Variants in TENM2 observed in about 807,000 individuals in gnomAD.
The protein encoded by TENM2 is teneurin-2.
A neutral mutation model predicts 245.2 loss-of-function variants in TENM2; 52 were observed. The ratio of observed to expected loss-of-function variants is 0.21; its 90% CI spans 0.17 to 0.27. The LOEUF is 0.27. Ranked by LOEUF, TENM2 falls within the 10% of genes least tolerant of loss-of-function variation. The pLI is 1.00. For synonymous variants in TENM2, 1,363 were observed against 1,438.9 expected (o/e 0.95, Z 1.19); for missense variants, 3,046 against 3,666.8 (o/e 0.83, Z 4.37).
intron 2 of TENM2, among the ~76,000 whole-genome samples, chr5:167,566,227 CTG>C (rs1006457523): frequency 2.4e-4 from 36 of 151,298 alleles, no homozygotes; most frequent in African/African-American, 8.0e-4. Flanking sequence ...GCTAAGAAAA[CTG>C]TGAGTGGAAG....
chr5:167,534,213 A>AATACTC (rs1189222908), intron 2 of TENM2, among the ~76,000 whole-genome samples: 4 of 152,208 alleles, frequency 2.6e-5, no homozygotes, highest in African/African-American at 9.6e-5. Context: ...AGAGGCTAAG[A>AATACTC]ATACTCATAA....
intron 2 of TENM2, among the ~76,000 whole-genome samples, chr5:167,633,765 A>G (rs1287280244): frequency 6.6e-6 from 1 of 152,054 alleles, no homozygotes; most frequent in Admixed American, 6.6e-5. Flanking sequence ...ACCCTCCTAT[A>G]TAGGTGCAAT....
At position 167,898,367 on chromosome 5, in the gene TENM2, C is replaced by T. The variant is rs550455281; in HGVS notation, c.712+22172C>T. Among the ~76,000 whole-genome samples, 20 of 152,184 alleles carry T rather than the reference C, an allele frequency of 1.3e-4. 1 individual carries two copies. The South Asian group carries it at 2.9e-3, about 22-fold the overall frequency. On this transcript the variant is annotated intron_variant, in intron 3 of 28. Transcript: ENST00000518659. ...TTCCAATGAGTCTAATATATGCTAA[C>T]GTCTGAGAAGCACTGATCTAGTAGC... is the stretch of plus-strand genomic sequence containing the variant.
chr5:168,062,572 G>A (rs537425837), intron 7 of TENM2, among the ~76,000 whole-genome samples: 20 of 152,190 alleles, frequency 1.3e-4, no homozygotes, highest in Admixed American at 3.9e-4. Flanking sequence ...TTACAAAAAC[G>A]TATGTATCAG....
intron 2 of TENM2, among the ~76,000 whole-genome samples, chr5:167,595,025 G>C (rs898019313): frequency 2.0e-5 from 3 of 152,156 alleles, no homozygotes; most frequent in Non-Finnish European, 4.4e-5. Flanking sequence ...AAACTGCCAG[G>C]ACTGATCAGT....
chr5:167,313,721 T>G (rs1756182933), intron 1 of TENM2, among the ~76,000 whole-genome samples: 2 of 152,206 alleles, frequency 1.3e-5, no homozygotes, highest in African/African-American at 4.8e-5. Context: ...CTCCCATCAT[T>G]CACTCTATCT....
rs1424809041 is a variant in TENM2, at chr5:168,062,045, T to C, written c.1310-15T>C. The C allele has an allele frequency of 4.3e-6, 2 of 466,088 alleles. No individual in the cohort carries two copies. The highest frequency in any genetic ancestry group is 1.7e-4 in the Admixed American group (2 of 11,776). The allele number at this position is 466,088 out of a possible 1,614,324, so 28.9% of individuals were successfully genotyped here. On this transcript the variant is annotated splice_polypyrimidine_tract_variant and intron_variant, in intron 6 of 28. Coordinates refer to ENST00000518659, the Ensembl canonical transcript of TENM2. The stretch of plus-strand genomic sequence containing the variant: ...CACGTCATTGACTGCTGTTTATTCC[T>C]TTTTTTTTTTTCAGTGCCCTGGTCG...
At chr5:167,297,817 T>C (rs1452361907) in intron 1 of TENM2, among the ~76,000 whole-genome samples, 3 of 151,864 alleles carry the variant, frequency 2.0e-5, no homozygotes, top group Admixed American at 6.6e-5. Flanking sequence ...TGTTCTCTGG[T>C]GGGCTGGAGT....
At chr5:167,783,176 T>TG (rs1554117278) in intron 2 of TENM2, among the ~76,000 whole-genome samples, 7 of 151,332 alleles carry the variant, frequency 4.6e-5, no homozygotes, top group East Asian at 1.9e-4. Context: ...GAAACAGGTT[T>TG]TTTTTTTTTT....
chr5:167,751,654 C>T (rs1761965831), intron 2 of TENM2, among the ~76,000 whole-genome samples: 1 of 151,986 alleles, frequency 6.6e-6, no homozygotes, highest in South Asian at 2.1e-4. Context: ...GGCTTGTTTG[C>T]TGTTATTTAG....
At chr5:167,963,169 G>A (rs1178182588) in intron 4 of TENM2, among the ~76,000 whole-genome samples, 1 of 152,082 alleles carries the variant, frequency 6.6e-6, no homozygotes, top group Non-Finnish European at 1.5e-5. Flanking sequence ...TAGCTGAAGG[G>A]CTGCTTCAGC....
chr5:167,379,729 A>C lies in TENM2; in HGVS notation c.502+4256A>C, dbSNP rs530753293. 2.6e-5 allele frequency among the ~76,000 whole-genome samples: 4 copies of C among 152,194 alleles called. No homozygotes were observed. In the South Asian group the frequency reaches 8.3e-4, roughly 32 times the overall value. On this transcript the variant is annotated intron_variant, in intron 2 of 28. Coordinates refer to ENST00000518659, the Ensembl canonical transcript of TENM2. ...CTCCAGACCTAGCCAAAGGCCCATA[A>C]TTTTGCTGTTAAGGAAGTGAAAAGT...
chr5:167,911,162 TTTAA>T (rs1165868201), intron 3 of TENM2, among the ~76,000 whole-genome samples: 2 of 152,182 alleles, frequency 1.3e-5, no homozygotes, highest in Non-Finnish European at 2.9e-5. Flanking sequence ...TATCTATGGT[TTTAA>T]TTGTTACTGT....
At chr5:167,468,910 A>G (rs1014450193) in intron 2 of TENM2, among the ~76,000 whole-genome samples, 7 of 152,198 alleles carry the variant, frequency 4.6e-5, no homozygotes, top group Admixed American at 6.5e-5. Context: ...AGACATTTCT[A>G]TTGTACTCAA....
intron 2 of TENM2, among the ~76,000 whole-genome samples, chr5:167,692,567 T>C (rs888190617): frequency 6.6e-5 from 10 of 152,234 alleles, no homozygotes; most frequent in Non-Finnish European, 1.2e-4. Flanking sequence ...ACATTTCTTA[T>C]GTTACAGACT....
chr5:167,613,524 T>A (rs940423126), intron 2 of TENM2, among the ~76,000 whole-genome samples: 3 of 152,104 alleles, frequency 2.0e-5, no homozygotes, highest in Non-Finnish European at 4.4e-5. Flanking sequence ...GTCAGTTTGT[T>A]CATCTGTAAA....
At chr5:167,547,425 C>T (rs1431480867) in intron 2 of TENM2, among the ~76,000 whole-genome samples, 4 of 152,154 alleles carry the variant, frequency 2.6e-5, no homozygotes, top group South Asian at 2.1e-4. Flanking sequence ...TTAAGAGCAG[C>T]GGCACATGAA....
intron 1 of TENM2, among the ~76,000 whole-genome samples, chr5:167,363,328 A>G (rs930692817): frequency 1.2e-4 from 19 of 152,192 alleles, no homozygotes; most frequent in African/African-American, 4.6e-4. Flanking sequence ...CCACATGCAC[A>G]TTGCCTGTGT....
chr5:167,900,231 G>C (rs1775595595), intron 3 of TENM2, among the ~76,000 whole-genome samples: 1 of 151,080 alleles, frequency 6.6e-6, no homozygotes, highest in East Asian at 2.0e-4. Context: ...GAAGCCCTTA[G>C]ATGAGAGAAG....
Sources: gnomAD v4.1 joint callset for allele counts (sites outside exome capture counted in the v4.1 genomes callset) on GRCh38, gnomAD v4.1.1 for gene constraint, MANE v1.5 for transcripts, NCBI Gene and HGNC (gene_info 2026-07-23, HGNC 2026-07-21) for gene names.